Variants in PLA2G6 observed in about 807,000 individuals in gnomAD.
The protein encoded by PLA2G6 is phospholipase A2 group VI.
A neutral mutation model predicts 83.8 loss-of-function variants in PLA2G6; 62 were observed. That is an observed-to-expected ratio of 0.74 (90% CI 0.60 to 0.91). The LOEUF (loss-of-function observed/expected upper bound fraction) is 0.91, where lower values mean the gene tolerates loss of function less well. Ranked by LOEUF, PLA2G6 falls within the 40% of genes least tolerant of loss-of-function variation. The pLI, the probability that PLA2G6 is intolerant of heterozygous loss-of-function variation, is 0.00. For synonymous variants in PLA2G6, 417 were observed against 449.8 expected (o/e 0.93, Z 0.92); for missense variants, 944 against 1,102.0 (o/e 0.86, Z 2.03).
At chr22:38,124,955 G>C (rs773858846) in intron 10 of PLA2G6, among the ~76,000 whole-genome samples, 3 of 152,174 alleles carry the variant, frequency 2.0e-5, no homozygotes, top group African/African-American at 4.8e-5. Context: ...AGGCCCAAGT[G>C]GGGAGCTACC....
Position 38,129,436 on chromosome 22 carries a change from A to G in PLA2G6, c.1186+18T>C. 1 of 1,536,328 alleles carries G rather than the reference A, an allele frequency of 6.5e-7. No individual in the cohort carries two copies. The highest frequency in any genetic ancestry group is 9.0e-7 in the Non-Finnish European group (1 of 1,109,348). On this transcript the variant is annotated intron_variant, in intron 8 of 16. Transcript: ENST00000332509. ...CCAACCCTCACCCCACTCCAGCCCC[A>G]GAGTGCAGAGCACATACGTCTGCCG...
At chr22:38,165,334 C>CA (rs1443071030) in intron 2 of PLA2G6, among the ~76,000 whole-genome samples, 1 of 152,196 alleles carries the variant, frequency 6.6e-6, no homozygotes, top group Non-Finnish European at 1.5e-5. Flanking sequence ...TGTGGCCTAC[C>CA]AGGAAAGCAG....
intron 2 of PLA2G6, 179 bp from the exon 3 acceptor site, chr22:38,145,832 CA>C (rs1325465418): frequency 1.5e-4 from 93 of 608,924 alleles, no homozygotes; most frequent in Middle Eastern, 4.3e-4. Flanking sequence ...CACACACACA[CA>C]CCCCTATACA....
intron 6 of PLA2G6, chr22:38,133,336 T>C: frequency 2.3e-6 from 1 of 430,210 alleles, no homozygotes; most frequent in South Asian, 2.7e-5. Flanking sequence ...CCCCGCTCCC[T>C]GCATCCCTCC....
intron 2 of PLA2G6, chr22:38,146,022 A>C (rs1602187288): frequency 6.8e-6 from 2 of 294,838 alleles, no homozygotes; most frequent in Middle Eastern, 1.3e-3. Context: ...ACAGGCATGC[A>C]CCACCATGCC....
rs533364254 is a variant in PLA2G6, at chr22:38,162,990, T to C, written c.209+6228A>G. Among the ~76,000 whole-genome samples, 193 of 152,196 alleles carry C rather than the reference T, an allele frequency of 1.3e-3. 1 individual carries two copies. The highest frequency in any genetic ancestry group is 4.5e-3 in the African/African-American group (185 of 41,520). ...CAGGCTGAAGCCACCTGGCCTCCACTCAGAAGCCTCTGCTGTGTCTCTGCT... is the reference window on the plus strand; with the variant it reads ...CAGGCTGAAGCCACCTGGCCTCCACCCAGAAGCCTCTGCTGTGTCTCTGCT... On this transcript the variant is annotated intron_variant, in intron 2 of 16. Transcript: ENST00000332509.
chr22:38,157,247 C>CA (rs1319971259), intron 2 of PLA2G6, among the ~76,000 whole-genome samples: 1 of 151,738 alleles, frequency 6.6e-6, no homozygotes, highest in South Asian at 2.1e-4. Context: ...AAAACCCAAA[C>CA]AAAAAAATCA....
intron 16 of PLA2G6, 95 bp downstream of exon 16, chr22:38,112,409 G>T (rs2086922996): frequency 1.3e-6 from 2 of 1,515,878 alleles, no homozygotes; most frequent in Admixed American, 1.9e-5. Context: ...GACCCTTGGG[G>T]AAGGGAAAGT....
Position 38,129,424 on chromosome 22 carries a change from C to G in PLA2G6, c.1186+30G>C, listed in dbSNP as rs758653527. The G allele has an allele frequency of 4.8e-6, 7 of 1,462,308 alleles. No homozygotes were observed. The African/African-American group carries it at 5.6e-5, about 12-fold the overall frequency. The allele number at this position is 1,462,308 out of a possible 1,614,324, so 90.6% of individuals were successfully genotyped here. ...CCCTGTATCCACCCAACCCTCACCC[C>G]ACTCCAGCCCCAGAGTGCAGAGCAC... On this transcript the variant is annotated intron_variant, in intron 8 of 16. Transcript: ENST00000332509.
At chr22:38,172,289 G>C (rs1377675155) in intron 1 of PLA2G6, among the ~76,000 whole-genome samples, 1 of 152,210 alleles carries the variant, frequency 6.6e-6, no homozygotes, top group African/African-American at 2.4e-5. Flanking sequence ...GGGTGGAGCA[G>C]TGAAAGCTGG....
intron 2 of PLA2G6, among the ~76,000 whole-genome samples, chr22:38,161,506 T>A (rs6001033): frequency 0.41 from 61,732 of 151,886 alleles, 12,914 homozygotes; most frequent in South Asian, 0.49. Flanking sequence ...GGGGGGATAC[T>A]TTCAATCCAT....
chr22:38,145,335 C>G, intron 3 of PLA2G6, 103 bp downstream of exon 3: 2 of 1,008,542 alleles, frequency 2.0e-6, no homozygotes, highest in Non-Finnish European at 3.1e-6. Flanking sequence ...GGCCCTGCTC[C>G]TTTTTAAGTC....
At chr22:38,134,902 C>A in intron 6 of PLA2G6, 86 bp downstream of exon 6, 1 of 899,518 alleles carries the variant, frequency 1.1e-6, no homozygotes, top group Non-Finnish European at 1.8e-6. Context: ...GCCTCAGGGT[C>A]CTCTCGGGAA....
chr22:38,143,830 G>A (rs561520814), intron 3 of PLA2G6: 17 of 220,382 alleles, frequency 7.7e-5, no homozygotes, highest in East Asian at 5.3e-4. Flanking sequence ...TGCAACCTCC[G>A]CCTCTGGGTT....
chr22:38,146,689 T>C (rs1361891509), intron 2 of PLA2G6: 1 of 152,078 alleles, frequency 6.6e-6, no homozygotes, highest in Non-Finnish European at 1.5e-5. Flanking sequence ...CAAAATATTA[T>C]ATAAATTATG....
chr22:38,157,345 T>G (rs1371628964), intron 2 of PLA2G6, among the ~76,000 whole-genome samples: 1 of 152,120 alleles, frequency 6.6e-6, no homozygotes, highest in East Asian at 1.9e-4. Context: ...GCCAATAAAT[T>G]GAAAACCCTA....
At chr22:38,144,991 C>T (rs1471821443) in intron 3 of PLA2G6, 1 of 359,642 alleles carries the variant, frequency 2.8e-6, no homozygotes, top group Non-Finnish European at 5.3e-6. Context: ...GGAAACATTA[C>T]ATTGTCCTTC....
At chr22:38,122,975 G>C in intron 11 of PLA2G6, 120 bp downstream of exon 11, 1 of 990,574 alleles carries the variant, frequency 1.0e-6, no homozygotes, top group South Asian at 1.4e-5. Flanking sequence ...CCTCCTCAAA[G>C]TGCTTATAGC....
At chr22:38,115,999 T>A in intron 13 of PLA2G6, 76 bp downstream of exon 13, 1 of 1,559,920 alleles carries the variant, frequency 6.4e-7, no homozygotes, top group Non-Finnish European at 8.8e-7. Context: ...TGATGGCAAG[T>A]GCACGACTCC....
Sources: allele counts gnomAD v4.1 joint callset (sites outside exome capture counted in the v4.1 genomes callset), GRCh38; gene constraint gnomAD v4.1.1; transcripts MANE v1.5; gene names NCBI Gene and HGNC (gene_info 2026-07-23, HGNC 2026-07-21).